The following PCNX1 variants were observed in gnomAD, a reference collection of about 807,000 sequenced individuals.
PCNX1 encodes pecanex-like protein 1.
Under a neutral mutation model 242.2 loss-of-function variants are expected in PCNX1, and 78 were observed. The observed-to-expected ratio is 0.32, with a 90% CI of 0.27 to 0.39. The LOEUF (loss-of-function observed/expected upper bound fraction) is 0.39, where lower values mean the gene tolerates loss of function less well. PCNX1 is among the 10% of genes least tolerant of loss of function. The probability of loss-of-function intolerance (pLI) is 1.00; values close to 1 mark genes in which losing one functional copy is unlikely to be tolerated. For missense variants in PCNX1, 2,581 were observed against 2,856.5 expected, an observed-to-expected ratio of 0.90 and a Z score of 2.20; for synonymous variants, 1,024 against 1,032.9, an observed-to-expected ratio of 0.99 and a Z score of 0.17.
At chr14:71,108,220 C>T (rs1455614996) in intron 33 of PCNX1, among the ~76,000 whole-genome samples, 2 of 152,116 alleles carry the variant, frequency 1.3e-5, no homozygotes, top group African/African-American at 4.8e-5. Context: ...GTCTCATTTC[C>T]GTGAGATATT....
chr14:70,969,142 A>C, intron 5 of PCNX1, 32 bp downstream of exon 5: 1 of 1,265,860 alleles, frequency 7.9e-7, no homozygotes, highest in Non-Finnish European at 1.2e-6. Context: ...ATGATGTCAT[A>C]TACTGTGGTG....
chr14:71,028,867 A>C, intron 16 of PCNX1, 76 bp downstream of exon 16: 1 of 797,480 alleles, frequency 1.3e-6, no homozygotes, highest in Non-Finnish European at 2.0e-6. Flanking sequence ...ATCAACTAAT[A>C]ATGATTTCTT....
At chr14:71,006,603 T>G (rs967172437) in intron 8 of PCNX1, among the ~76,000 whole-genome samples, 1 of 152,186 alleles carries the variant, frequency 6.6e-6, no homozygotes, top group African/African-American at 2.4e-5. Flanking sequence ...ATAGGGGTAT[T>G]GTAACGGCAT....
chr14:70,985,652 A>G (rs1241925912), intron 6 of PCNX1, among the ~76,000 whole-genome samples: 1 of 152,210 alleles, frequency 6.6e-6, no homozygotes, highest in Admixed American at 6.5e-5. Context: ...CCTTGGAAGT[A>G]TTTTATACTT....
At position 71,042,667 on chromosome 14, in the gene PCNX1, A is replaced by T. The variant is rs574313449; in HGVS notation, c.3868-2466A>T. On this transcript the variant is annotated intron_variant, in intron 19 of 35. Transcript: ENST00000304743. The stretch of plus-strand genomic sequence containing the variant: ...TTTATTTATTTTTGTTGACATCAGG[A>T]TACACATCTGGACAGTCTATATCTT... 9.2e-5 allele frequency among the ~76,000 whole-genome samples: 14 copies of T among 151,916 alleles called. No homozygotes were observed. In the East Asian group the frequency reaches 2.3e-3, roughly 25 times the overall value.
intron 26 of PCNX1, among the ~76,000 whole-genome samples, chr14:71,058,731 T>G (rs2061247323): frequency 6.6e-6 from 1 of 152,242 alleles, no homozygotes; most frequent in South Asian, 2.1e-4. Flanking sequence ...TTACACTGTT[T>G]GCTAGAAATA....
intron 28 of PCNX1, among the ~76,000 whole-genome samples, chr14:71,084,928 A>G (rs1566789004): frequency 6.6e-6 from 1 of 152,118 alleles, no homozygotes; most frequent in Non-Finnish European, 1.5e-5. Context: ...TGTCTGCCCA[A>G]ATGGCTGCCC....
intron 1 of PCNX1, among the ~76,000 whole-genome samples, chr14:70,940,052 G>A (rs567236898): frequency 6.6e-6 from 1 of 152,206 alleles, no homozygotes; most frequent in South Asian, 2.1e-4. Context: ...CCTGAATGCA[G>A]CGCACACTGA....
chr14:71,037,458 G>T (rs2060574481), intron 19 of PCNX1, among the ~76,000 whole-genome samples: 1 of 150,000 alleles, frequency 6.7e-6, no homozygotes, highest in Non-Finnish European at 1.5e-5. Flanking sequence ...TTTGAAATAT[G>T]TCCCATCAAT....
intron 6 of PCNX1, among the ~76,000 whole-genome samples, chr14:70,980,856 T>C (rs1488544867): frequency 3.3e-5 from 5 of 152,178 alleles, no homozygotes; most frequent in African/African-American, 9.7e-5. Context: ...GCCATTCATA[T>C]ACCTATGCAT....
intron 19 of PCNX1, chr14:71,044,349 G>A (rs1372034538): frequency 1.3e-5 from 2 of 152,376 alleles, no homozygotes; most frequent in Admixed American, 1.3e-4. Context: ...GGGAAGAAAA[G>A]TTTCAAGATG....
In PCNX1 at chr14:71,076,184, GT is replaced by G; in HGVS notation, c.5107-3del. The G allele has an allele frequency of 6.6e-7, 1 of 1,521,408 alleles. No individual in the cohort carries two copies. Among genetic ancestry groups the G allele is most frequent in the Non-Finnish European group, 9.1e-7 (1 of 1,099,046 alleles). The allele number at this position is 1,521,408 out of a possible 1,614,324, so 94.2% of individuals were successfully genotyped here. On this transcript the variant is annotated splice_polypyrimidine_tract_variant and splice_region_variant and intron_variant, in intron 27 of 35. Coordinates refer to ENST00000304743, the MANE Select transcript of PCNX1 (RefSeq NM_014982.3). ...ATTCTTTTTTTTTTGTCTTGTTCAT[GT>G]TAGGGTATCATTTATTATGTTACGA...
chr14:70,910,064 C>CCCTCCACCCCCTCCTCCTCCTCCCCCT (rs2055778525), intron 1 of PCNX1, among the ~76,000 whole-genome samples: 1 of 2,772 alleles, frequency 3.6e-4, no homozygotes, highest in Non-Finnish European at 6.8e-4. Flanking sequence ...CTCCTCCTCC[C>CCCTCCACCCCCTCCTCCTCCTCCCCCT]CCTCCTCCTC....
chr14:71,035,417 T>A (rs957553818), intron 18 of PCNX1, among the ~76,000 whole-genome samples: 4 of 152,294 alleles, frequency 2.6e-5, no homozygotes, highest in African/African-American at 9.6e-5. Flanking sequence ...ATGAGGAAAT[T>A]GAGGAAGAAA....
rs1275863856 is a variant in PCNX1, at chr14:70,909,359, G to A, written c.153+1356G>A. Reference sequence around the variant, plus strand: ...TCTTGTTGCATTCTGAAAATTTATCGTGAAGTATTATAATTTTCAATTAAT... The same window carrying A: ...TCTTGTTGCATTCTGAAAATTTATCATGAAGTATTATAATTTTCAATTAAT... On this transcript the variant is annotated intron_variant, in intron 1 of 35. Coordinates refer to ENST00000304743, the MANE Select transcript of PCNX1 (RefSeq NM_014982.3). 2.6e-5 allele frequency among the ~76,000 whole-genome samples: 4 copies of A among 152,020 alleles called. No homozygotes were observed. The East Asian group carries it at 5.8e-4, about 22-fold the overall frequency.
intron 22 of PCNX1, among the ~76,000 whole-genome samples, chr14:71,048,576 ATTAT>A (rs1466073679): frequency 6.6e-6 from 1 of 152,216 alleles, no homozygotes; most frequent in African/African-American, 2.4e-5. Flanking sequence ...GTACAGTCAG[ATTAT>A]TTGTCAGTGA....
intron 33 of PCNX1, among the ~76,000 whole-genome samples, chr14:71,107,539 A>G (rs1375031809): frequency 1.8e-4 from 28 of 152,170 alleles, no homozygotes; most frequent in Non-Finnish European, 2.9e-5. Context: ...ACATGTAGCT[A>G]TGTTTCAATG....
intron 8 of PCNX1, 135 bp downstream of exon 8, chr14:70,996,060 CTA>C: frequency 1.6e-6 from 1 of 637,028 alleles, no homozygotes; most frequent in Non-Finnish European, 2.7e-6. Flanking sequence ...AGGATTTACC[CTA>C]TGTGTTAGGA....
intron 9 of PCNX1, among the ~76,000 whole-genome samples, chr14:71,010,511 T>A (rs955290314): frequency 6.6e-6 from 1 of 151,978 alleles, no homozygotes; most frequent in East Asian, 1.9e-4. Context: ...GCTTCTTTTA[T>A]CCCCCCATCT....
Sources: gnomAD v4.1 joint callset for allele counts (sites outside exome capture counted in the v4.1 genomes callset) on GRCh38, gnomAD v4.1.1 for gene constraint, MANE v1.5 for transcripts, NCBI Gene and HGNC (gene_info 2026-07-23, HGNC 2026-07-21) for gene names.